Variants in KATNAL1 observed in about 807,000 individuals in gnomAD.
KATNAL1 encodes katanin catalytic subunit A1 like 1.
Under a neutral mutation model 55.2 loss-of-function variants are expected in KATNAL1, and 32 were observed. The ratio of observed to expected loss-of-function variants is 0.58; its 90% confidence interval spans 0.44 to 0.78. The LOEUF (loss-of-function observed/expected upper bound fraction) is 0.78, where lower values mean the gene tolerates loss of function less well. KATNAL1 is among the 30% of genes least tolerant of loss of function. The probability of loss-of-function intolerance (pLI) is 0.00; values close to 1 mark genes in which losing one functional copy is unlikely to be tolerated. For missense variants in KATNAL1, 466 were observed against 600.9 expected (o/e 0.78, Z 2.35); for synonymous variants, 193 against 193.6 (o/e 1.00, Z 0.02).
chr13:30,294,672 A>G (rs1882362889), intron 1 of KATNAL1, among the ~76,000 whole-genome samples: 3 of 152,234 alleles, frequency 2.0e-5, no homozygotes, highest in South Asian at 2.1e-4. Context: ...CAGATTTTCA[A>G]TGTAGACAAA....
chr13:30,261,295 A>G (rs2137477831), intron 3 of KATNAL1, among the ~76,000 whole-genome samples: 1 of 152,184 alleles, frequency 6.6e-6, no homozygotes, highest in Admixed American at 6.5e-5. Context: ...CGAGACTAGG[A>G]AGAAACTGCA....
intron 9 of KATNAL1, among the ~76,000 whole-genome samples, chr13:30,221,741 G>A (rs1455581560): frequency 6.6e-6 from 1 of 152,204 alleles, no homozygotes; most frequent in Non-Finnish European, 1.5e-5. Context: ...GGGCAATGGT[G>A]CCCAAACAGT....
At chr13:30,224,897 T>C (rs1380342052) in intron 9 of KATNAL1, among the ~76,000 whole-genome samples, 1 of 152,208 alleles carries the variant, frequency 6.6e-6, no homozygotes, top group East Asian at 1.9e-4. Context: ...ATTCTCTTTA[T>C]TGCATAGCTC....
chr13:30,283,571 G>A, intron 2 of KATNAL1, 45 bp downstream of exon 2: 2 of 1,577,444 alleles, frequency 1.3e-6, no homozygotes, highest in Non-Finnish European at 1.7e-6. Context: ...AAGTATAATA[G>A]GGTACTGCCA....
rs563731425 is a variant in KATNAL1, at chr13:30,207,363, T to A, written c.*1177A>T. ...TTAGTGTGTGTAAAAGTTCTCAACCTAGACAAGGACAAATTTTAGAATTTT... is the reference window on the plus strand; with the variant it reads ...TTAGTGTGTGTAAAAGTTCTCAACCAAGACAAGGACAAATTTTAGAATTTT... On this transcript the variant is annotated 3_prime_UTR_variant, in exon 11 of 11. Transcript: ENST00000380615. 6.6e-5 allele frequency: 10 copies of A among 152,356 alleles called. No individual in the cohort carries two copies. The East Asian group carries it at 9.6e-4, about 15-fold the overall frequency. The allele number at this position is 152,356 out of a possible 1,614,324, so 9.4% of individuals were successfully genotyped here. A position where few individuals can be genotyped will look rare whatever the true frequency, so the allele number is the denominator to read the frequency against.
intron 1 of KATNAL1, among the ~76,000 whole-genome samples, chr13:30,289,005 C>A (rs1881969314): frequency 6.6e-6 from 1 of 152,196 alleles, no homozygotes. Flanking sequence ...CACCTGAATT[C>A]TTTTCTATTC....
At chr13:30,289,367 G>C (rs1316089366) in intron 1 of KATNAL1, among the ~76,000 whole-genome samples, 4 of 152,192 alleles carry the variant, frequency 2.6e-5, no homozygotes, top group Non-Finnish European at 5.9e-5. Flanking sequence ...TGCGCCTGTT[G>C]TAACCAACAC....
At chr13:30,302,654 A>G (rs1368964665) in intron 1 of KATNAL1, among the ~76,000 whole-genome samples, 1 of 152,246 alleles carries the variant, frequency 6.6e-6, no homozygotes, top group Non-Finnish European at 1.5e-5. Flanking sequence ...GTAAAAGCTA[A>G]GAAAATAAGA....
chr13:30,215,414 C>T (rs1422231718), intron 9 of KATNAL1, among the ~76,000 whole-genome samples: 1 of 152,176 alleles, frequency 6.6e-6, no homozygotes, highest in East Asian at 1.9e-4. Context: ...ACCCAGCCAT[C>T]CCATTAGTGG....
At chr13:30,304,564 G>A (rs1016747626) in intron 1 of KATNAL1, among the ~76,000 whole-genome samples, 2 of 152,060 alleles carry the variant, frequency 1.3e-5, no homozygotes, top group Non-Finnish European at 2.9e-5. Context: ...CACTGCGCCC[G>A]GCCTACACAC....
chr13:30,268,089 A>C (rs1879921833), intron 3 of KATNAL1, among the ~76,000 whole-genome samples: 1 of 152,228 alleles, frequency 6.6e-6, no homozygotes, highest in Non-Finnish European at 1.5e-5. Context: ...CAAAGGGCCC[A>C]TCCTCATGTG....
intron 1 of KATNAL1, among the ~76,000 whole-genome samples, chr13:30,304,323 G>A (rs1327064910): frequency 6.7e-6 from 1 of 150,264 alleles, no homozygotes; most frequent in Non-Finnish European, 1.5e-5. Context: ...AGGCTGGAGT[G>A]CAGCAGCATG....
intron 3 of KATNAL1, among the ~76,000 whole-genome samples, chr13:30,275,473 A>G (rs1880772450): frequency 6.6e-6 from 1 of 152,212 alleles, no homozygotes; most frequent in Admixed American, 6.5e-5. Context: ...TGGGACAAAC[A>G]TCAAAACCAT....
chr13:30,274,891 A>ACATATGCGCGCG lies in KATNAL1; in HGVS notation c.323+5171_323+5172insCGCGCGCATATG, dbSNP rs55740915. On this transcript the variant is annotated intron_variant, in intron 3 of 10. Coordinates refer to ENST00000380615, the MANE Select transcript of KATNAL1 (RefSeq NM_032116.5). The stretch of plus-strand genomic sequence containing the variant: ...GGGGGCGGGGTGTGTGCACACACAT[A>ACATATGCGCGCG]CGCGCGCGCGCGCGCGCACACACAC... Among the ~76,000 whole-genome samples the ACATATGCGCGCG allele has an allele frequency of 6.5e-5, 8 of 122,196 alleles. No homozygotes were observed. The East Asian group carries it at 1.3e-3, about 19-fold the overall frequency. The allele number at this position is 122,196 out of a possible 152,430, so 80.2% of individuals were successfully genotyped here. A position where few individuals can be genotyped will look rare whatever the true frequency, so the allele number is the denominator to read the frequency against.
At chr13:30,273,729 C>T (rs1262945470) in intron 3 of KATNAL1, among the ~76,000 whole-genome samples, 3 of 152,158 alleles carry the variant, frequency 2.0e-5, no homozygotes, top group Non-Finnish European at 4.4e-5. Context: ...TAGTATTAGG[C>T]AAATAACCTA....
At chr13:30,273,529 G>A (rs1240751361) in intron 3 of KATNAL1, among the ~76,000 whole-genome samples, 18 of 152,120 alleles carry the variant, frequency 1.2e-4, no homozygotes, top group Admixed American at 1.1e-3. Context: ...AAGAAACCAC[G>A]TAAAAGCACA....
At chr13:30,260,271 A>G (rs1879162511) in intron 3 of KATNAL1, among the ~76,000 whole-genome samples, 1 of 152,176 alleles carries the variant, frequency 6.6e-6, no homozygotes, top group South Asian at 2.1e-4. Flanking sequence ...AAAGATGGGG[A>G]AAAAAACAGA....
chr13:30,202,940 A>C lies in KATNAL1; in HGVS notation c.*5600T>G, dbSNP rs553567339. ...ACCATCATATGAATATACATTTGTC[A>C]GTAAAAATGTGACAAAAATGTGATG... is the stretch of plus-strand genomic sequence containing the variant. On this transcript the variant is annotated 3_prime_UTR_variant, in exon 11 of 11. Transcript: ENST00000380615. 1.3e-5 allele frequency: 2 copies of C among 152,318 alleles called. No homozygotes were observed. Among genetic ancestry groups the C allele is most frequent in the African/African-American group, 2.4e-5 (1 of 41,570 alleles). The allele number at this position is 152,318 out of a possible 1,614,324, so 9.4% of individuals were successfully genotyped here.
intron 1 of KATNAL1, among the ~76,000 whole-genome samples, chr13:30,296,997 A>C (rs1346358780): frequency 6.6e-6 from 1 of 152,070 alleles, no homozygotes; most frequent in Non-Finnish European, 1.5e-5. Flanking sequence ...ACAAGAAAAA[A>C]AAAATTAGTC....
Sources: allele counts gnomAD v4.1 joint callset (sites outside exome capture counted in the v4.1 genomes callset), GRCh38; gene constraint gnomAD v4.1.1; transcripts MANE v1.5; gene names NCBI Gene and HGNC (gene_info 2026-07-23, HGNC 2026-07-21).